The following CCDC102B variants were observed in gnomAD, a reference collection of about 807,000 sequenced individuals.
CCDC102B encodes coiled-coil domain-containing protein 102B.
CCDC102B carries 75 observed loss-of-function variants against 57.4 expected under a neutral mutation model. That is an observed-to-expected ratio of 1.31 (90% CI 1.08 to 1.58). The LOEUF is 1.58. Among genes scored for constraint, CCDC102B ranks in the 40% most tolerant of loss-of-function variants. CCDC102B has a pLI of 0.00. For synonymous variants in CCDC102B, 206 were observed against 201.9 expected, an observed-to-expected ratio of 1.02 and a Z score of -0.17; for missense variants, 636 against 582.6, an observed-to-expected ratio of 1.09 and a Z score of -0.94.
intron 1 of CCDC102B, among the ~76,000 whole-genome samples, chr18:68,811,031 A>T (rs1187347394): frequency 6.6e-6 from 1 of 151,834 alleles, no homozygotes; most frequent in Admixed American, 6.6e-5. Flanking sequence ...CATGAACTCA[A>T]CCTTTTTTAT....
chr18:68,964,334 T>A (rs1047271201), intron 6 of CCDC102B, among the ~76,000 whole-genome samples: 2 of 151,810 alleles, frequency 1.3e-5, no homozygotes, highest in Non-Finnish European at 2.9e-5. Context: ...AAATCTCAGT[T>A]TAATATTTTA....
intron 6 of CCDC102B, among the ~76,000 whole-genome samples, chr18:68,994,403 A>G (rs1032318632): frequency 6.6e-6 from 1 of 152,064 alleles, no homozygotes; most frequent in East Asian, 1.9e-4. Context: ...GGCTGGGGGT[A>G]CAGGGACACA....
chr18:68,874,212 G>GTGTGTGTGTA (rs1235797400), intron 4 of CCDC102B, among the ~76,000 whole-genome samples: 5 of 120,590 alleles, frequency 4.1e-5, no homozygotes, highest in African/African-American at 1.5e-4. Context: ...GTGTGTGTGT[G>GTGTGTGTGTA]TATATATATA....
At chr18:68,926,013 C>T (rs1040746711) in intron 6 of CCDC102B, among the ~76,000 whole-genome samples, 1 of 151,776 alleles carries the variant, frequency 6.6e-6, no homozygotes, top group Non-Finnish European at 1.5e-5. Flanking sequence ...GGAGTTTTCT[C>T]CACCAGGGAT....
chr18:68,794,613 C>G (rs1258450987), upstream of CCDC102B, among the ~76,000 whole-genome samples: 1 of 152,088 alleles, frequency 6.6e-6, no homozygotes, highest in Non-Finnish European at 1.5e-5. Flanking sequence ...CTGAGTACCT[C>G]AAGACATTAT....
intron 6 of CCDC102B, among the ~76,000 whole-genome samples, chr18:68,967,160 G>T (rs927691828): frequency 1.1e-5 from 1 of 89,072 alleles, no homozygotes. Context: ...CCTCTTTTCG[G>T]TGTGTAGAAC....
chr18:69,022,267 TGGG>T (rs2051864468), intron 7 of CCDC102B, among the ~76,000 whole-genome samples: 5 of 150,690 alleles, frequency 3.3e-5, no homozygotes, highest in Admixed American at 1.3e-4. Context: ...CACATATATA[TGGG>T]CCACACACAT....
intron 2 of CCDC102B, among the ~76,000 whole-genome samples, chr18:68,772,729 G>A (rs1424723041): frequency 6.6e-6 from 1 of 152,052 alleles, no homozygotes; most frequent in Non-Finnish European, 1.5e-5. Flanking sequence ...TCTAGCCCAA[G>A]GAAAGAAGGA....
intron 1 of CCDC102B, among the ~76,000 whole-genome samples, chr18:68,812,033 A>G (rs568836218): frequency 2.0e-5 from 3 of 152,318 alleles, no homozygotes; most frequent in Admixed American, 2.0e-4. Context: ...AAACTGTGTA[A>G]GAACTAATAT....
chr18:68,885,080 A>G (rs953068096), intron 5 of CCDC102B, among the ~76,000 whole-genome samples: 2 of 151,972 alleles, frequency 1.3e-5, no homozygotes, highest in Non-Finnish European at 2.9e-5. Context: ...AACAGCAAAA[A>G]CATTGATTAG....
At position 68,875,965 on chromosome 18, in the gene CCDC102B, AT is replaced by A. The variant is rs572015472; in HGVS notation, c.1053+1182del. Reference sequence around the variant, plus strand: ...TGAGATGGCATGTTTCAAGAGGTCCATTATGAGAAAGGCTGAACTGTTGAAT... The same window carrying A: ...TGAGATGGCATGTTTCAAGAGGTCCATATGAGAAAGGCTGAACTGTTGAAT... On this transcript the variant is annotated intron_variant, in intron 5 of 7. Transcript: ENST00000360242. Among the ~76,000 whole-genome samples the A allele has an allele frequency of 2.9e-3, 446 of 152,236 alleles. 1 individual carries two copies. The highest frequency in any genetic ancestry group is 0.01 in the African/African-American group (427 of 41,534).
At chr18:68,993,944 A>G (rs1363348382) in intron 6 of CCDC102B, among the ~76,000 whole-genome samples, 1 of 152,106 alleles carries the variant, frequency 6.6e-6, no homozygotes, top group Non-Finnish European at 1.5e-5. Context: ...AACTTTATAG[A>G]TATTTTATAT....
In CCDC102B at chr18:68,743,716, G is replaced by T. The variant is rs538210435; in HGVS notation, c.-67+27122G>T. On this transcript the variant is annotated intron_variant, in intron 2 of 3. Transcript: ENST00000578970. The stretch of plus-strand genomic sequence containing the variant: ...TTTGGAGAGGTTGAGGGAAGACTTG[G>T]GAGTAAATTAACACAAAGTTTGTGG... 3.9e-5 allele frequency among the ~76,000 whole-genome samples: 6 copies of T among 152,244 alleles called. No individual in the cohort carries two copies. The East Asian group carries it at 1.2e-3, about 29-fold the overall frequency.
intron 6 of CCDC102B, among the ~76,000 whole-genome samples, chr18:68,942,136 A>G (rs12326905): frequency 0.56 from 85,049 of 151,978 alleles, 26,315 homozygotes; most frequent in Non-Finnish European, 0.68. Flanking sequence ...ATTAATTTCA[A>G]TTTCTGTTGG....
At chr18:69,013,772 A>G (rs1298547861) in intron 7 of CCDC102B, among the ~76,000 whole-genome samples, 1 of 152,222 alleles carries the variant, frequency 6.6e-6, no homozygotes, top group Non-Finnish European at 1.5e-5. Flanking sequence ...AAGTTTTCAA[A>G]GAGGTATATA....
At chr18:68,951,288 A>G (rs1018695473) in intron 6 of CCDC102B, among the ~76,000 whole-genome samples, 4 of 152,172 alleles carry the variant, frequency 2.6e-5, no homozygotes, top group African/African-American at 9.6e-5. Context: ...ACTTGGTCCT[A>G]TTTGAAGATT....
intron 6 of CCDC102B, among the ~76,000 whole-genome samples, chr18:68,907,349 C>T (rs1246779135): frequency 6.6e-6 from 1 of 151,666 alleles, no homozygotes; most frequent in Non-Finnish European, 1.5e-5. Context: ...AAAAAAAACG[C>T]CATTGGAATT....
At chr18:68,764,636 CTT>C (rs1453818495) in intron 2 of CCDC102B, among the ~76,000 whole-genome samples, 1 of 152,110 alleles carries the variant, frequency 6.6e-6, no homozygotes, top group Non-Finnish European at 1.5e-5. Flanking sequence ...CAGTGTATCT[CTT>C]ATAACATTTT....
chr18:68,724,126 TTGGCCCCTTTTAGCCA>T (rs1462482418), intron 2 of CCDC102B, among the ~76,000 whole-genome samples: 1 of 152,204 alleles, frequency 6.6e-6, no homozygotes, highest in Middle Eastern at 3.2e-3. Flanking sequence ...AAGCTATGCC[TTGGCCCCTTTTAGCCA>T]TGGCTGGAGT....
Sources: gnomAD v4.1 joint callset for allele counts (sites outside exome capture counted in the v4.1 genomes callset) on GRCh38, gnomAD v4.1.1 for gene constraint, MANE v1.5 for transcripts, NCBI Gene and HGNC (gene_info 2026-07-23, HGNC 2026-07-21) for gene names.